Variants in JARID2 observed in about 807,000 individuals in gnomAD.
JARID2 encodes the protein protein Jumonji.
In JARID2, 21 loss-of-function variants were observed where a neutral mutation model predicts 125.6. The observed-to-expected ratio is 0.17, with a 90% CI of 0.12 to 0.24. The LOEUF is 0.24. Among genes scored for constraint, JARID2 ranks in the 10% least tolerant of loss-of-function variants. The pLI, the probability that JARID2 is intolerant of heterozygous loss-of-function variation, is 1.00. For missense variants in JARID2, 1,303 were observed against 1,639.6 expected, an observed-to-expected ratio of 0.79 and a Z score of 3.55; for synonymous variants, 736 against 661.6, an observed-to-expected ratio of 1.11 and a Z score of -1.73.
intron 1 of JARID2, among the ~76,000 whole-genome samples, chr6:15,252,969 G>A (rs754578168): frequency 1.3e-4 from 20 of 152,144 alleles, no homozygotes; most frequent in Non-Finnish European, 2.4e-4. Flanking sequence ...AGAAGAGTGA[G>A]CGAGATTTTA....
intron 1 of JARID2, among the ~76,000 whole-genome samples, chr6:15,344,633 G>T (rs1763188485): frequency 6.6e-6 from 1 of 151,600 alleles, no homozygotes; most frequent in African/African-American, 2.4e-5. Flanking sequence ...AATGATCTAT[G>T]ACTATTTCTT....
chr6:15,382,694 C>T (rs911079800), intron 2 of JARID2, among the ~76,000 whole-genome samples: 1 of 152,182 alleles, frequency 6.6e-6, no homozygotes, highest in African/African-American at 2.4e-5. Context: ...CTGATTGGAA[C>T]CAGAAATCCA....
intron 1 of JARID2, among the ~76,000 whole-genome samples, chr6:15,271,449 C>G (rs1019560084): frequency 2.6e-5 from 4 of 152,216 alleles, no homozygotes; most frequent in Admixed American, 1.3e-4. Context: ...CTGTCCCAAC[C>G]TGAGCATCGA....
chr6:15,327,124 C>T (rs1762556740), intron 1 of JARID2, among the ~76,000 whole-genome samples: 1 of 152,182 alleles, frequency 6.6e-6, no homozygotes, highest in South Asian at 2.1e-4. Flanking sequence ...GATCTTTTTT[C>T]TCCCCTTTCT....
intron 4 of JARID2, among the ~76,000 whole-genome samples, chr6:15,459,468 C>G (rs996014905): frequency 2.0e-5 from 3 of 152,156 alleles, no homozygotes; most frequent in African/African-American, 7.2e-5. Context: ...GCAACCGTCC[C>G]TTTTTTTACC....
chr6:15,416,319 T>C (rs1351460977), intron 3 of JARID2, among the ~76,000 whole-genome samples: 1 of 152,144 alleles, frequency 6.6e-6, no homozygotes, highest in Non-Finnish European at 1.5e-5. Context: ...CTCGGCACTT[T>C]GGGAGGCCAA....
chr6:15,293,667 T>A (rs2127399362), intron 1 of JARID2, among the ~76,000 whole-genome samples: 1 of 152,366 alleles, frequency 6.6e-6, no homozygotes, highest in East Asian at 1.9e-4. Flanking sequence ...CTCCTAAGAA[T>A]GGTCCTTGAG....
intron 1 of JARID2, among the ~76,000 whole-genome samples, chr6:15,271,816 A>G (rs1246648936): frequency 1.3e-5 from 2 of 152,208 alleles, no homozygotes; most frequent in African/African-American, 4.8e-5. Context: ...CCTGGCCAAC[A>G]TGGTGAAACC....
At chr6:15,491,823 TAAAGC>T (rs1160621067) in intron 6 of JARID2, among the ~76,000 whole-genome samples, 1 of 152,202 alleles carries the variant, frequency 6.6e-6, no homozygotes, top group African/African-American at 2.4e-5. Flanking sequence ...TTTATATTCT[TAAAGC>T]AAGCACACAG....
intron 5 of JARID2, among the ~76,000 whole-genome samples, chr6:15,486,044 A>C (rs1272422741): frequency 6.6e-6 from 1 of 152,178 alleles, no homozygotes; most frequent in Non-Finnish European, 1.5e-5. Flanking sequence ...GAGCTGCTCA[A>C]GTGCCAGATG....
chr6:15,506,770 A>G lies in JARID2; in HGVS notation c.2542-366A>G, dbSNP rs555700757. 1.7e-3 allele frequency among the ~76,000 whole-genome samples: 266 copies of G among 152,346 alleles called. 1 individual carries two copies. The highest frequency in any genetic ancestry group is 6.2e-3 in the African/African-American group (257 of 41,580). On this transcript the variant is annotated intron_variant, in intron 9 of 17. Transcript: ENST00000341776. ...AGCATAATGTCCTCCAGGTTCATCTATGTTGTAGCATGTGTCAGAACTGAC... is the reference window on the plus strand; with the variant it reads ...AGCATAATGTCCTCCAGGTTCATCTGTGTTGTAGCATGTGTCAGAACTGAC...
At chr6:15,279,451 G>A (rs1410560528) in intron 1 of JARID2, among the ~76,000 whole-genome samples, 2 of 152,136 alleles carry the variant, frequency 1.3e-5, no homozygotes, top group Admixed American at 6.5e-5. Flanking sequence ...CCCATGGCAC[G>A]GCTTACTGCT....
chr6:15,497,532 C>A (rs1180616950), intron 7 of JARID2, among the ~76,000 whole-genome samples: 1 of 152,034 alleles, frequency 6.6e-6, no homozygotes, highest in African/African-American at 2.4e-5. Flanking sequence ...GGCCTGTAGT[C>A]CCAGCTACTT....
chr6:15,446,896 A>G (rs988746995), intron 3 of JARID2, among the ~76,000 whole-genome samples: 4 of 152,154 alleles, frequency 2.6e-5, no homozygotes, highest in Non-Finnish European at 5.9e-5. Context: ...ATAGGGACCC[A>G]TAGGTTCGTC....
chr6:15,513,952 T>C (rs1033407011), intron 16 of JARID2, among the ~76,000 whole-genome samples: 2 of 152,200 alleles, frequency 1.3e-5, no homozygotes, highest in African/African-American at 4.8e-5. Context: ...CTGATGTTCC[T>C]CCTGTCCCAT....
At position 15,521,770 on chromosome 6, in the gene JARID2, G is replaced by A. The variant is rs75041738; in HGVS notation, c.*1519G>A. On this transcript the variant is annotated 3_prime_UTR_variant, in exon 18 of 18. Transcript: ENST00000341776. ...TTGTTGCAGAAGACTGAACTGTTTTGGAATATTTAACAATTACAGAAACAG... is the reference window on the plus strand; with the variant it reads ...TTGTTGCAGAAGACTGAACTGTTTTAGAATATTTAACAATTACAGAAACAG... 52 of 152,306 alleles carry A rather than the reference G, an allele frequency of 3.4e-4. No individual in the cohort carries two copies. The highest frequency in any genetic ancestry group is 1.2e-3 in the African/African-American group (51 of 41,556). The allele number at this position is 152,306 out of a possible 1,614,324, so 9.4% of individuals were successfully genotyped here.
chr6:15,264,612 AGTGTGTGTGT>A (rs148424538), intron 1 of JARID2, among the ~76,000 whole-genome samples: 1 of 146,138 alleles, frequency 6.8e-6, no homozygotes, highest in Non-Finnish European at 1.5e-5. Flanking sequence ...GGTAGGTGTG[AGTGTGTGTGT>A]GTGTGTGTGT....
At chr6:15,489,658 G>A (rs74771942) in intron 6 of JARID2, among the ~76,000 whole-genome samples, 8 of 152,372 alleles carry the variant, frequency 5.3e-5, no homozygotes, top group African/African-American at 1.7e-4. Flanking sequence ...TGGCGTGTTC[G>A]TGTGACCTGT....
intron 1 of JARID2, among the ~76,000 whole-genome samples, chr6:15,331,292 C>G (rs1762698386): frequency 6.7e-6 from 1 of 150,316 alleles, no homozygotes; most frequent in Non-Finnish European, 1.5e-5. Context: ...CATGATTGCA[C>G]CACTGCACTC....
Sources: allele counts gnomAD v4.1 joint callset (sites outside exome capture counted in the v4.1 genomes callset), GRCh38; gene constraint gnomAD v4.1.1; transcripts MANE v1.5; gene names NCBI Gene and HGNC (gene_info 2026-07-23, HGNC 2026-07-21).